Variants in HSPG2 observed in about 807,000 individuals in gnomAD.
The protein encoded by HSPG2 is heparan sulfate proteoglycan 2, also known as basement membrane-specific heparan sulfate proteoglycan core protein.
Under a neutral mutation model 526.6 loss-of-function variants are expected in HSPG2, and 278 were observed. The observed-to-expected ratio is 0.53, with a 90% confidence interval of 0.48 to 0.58. The LOEUF (loss-of-function observed/expected upper bound fraction) is 0.58. HSPG2 is among the 20% of genes least tolerant of loss of function. HSPG2 has a pLI of 0.00. For missense variants in HSPG2, 5,354 were observed against 6,099.5 expected, an observed-to-expected ratio of 0.88 and a Z score of 4.07; for synonymous variants, 2,465 against 2,555.4, an observed-to-expected ratio of 0.96 and a Z score of 1.07.
intron 69 of HSPG2, 89 bp downstream of exon 69, chr1:21,841,913 C>T: frequency 2.6e-6 from 4 of 1,557,216 alleles, no homozygotes; most frequent in Non-Finnish European, 3.5e-6. Flanking sequence ...GTGGGGCGTC[C>T]AGACTTCTGC....
intron 33 of HSPG2, chr1:21,869,502 AGAGGAG>A: frequency 8.1e-6 from 8 of 985,732 alleles, no homozygotes; most frequent in Non-Finnish European, 9.7e-6. Context: ...AAGCTGAGGA[AGAGGAG>A]GAGGAGGAGG....
In HSPG2 at chr1:21,824,269, AG is replaced by A; in HGVS notation, c.12815+36del. The A allele has an allele frequency of 6.2e-7, 1 of 1,613,240 alleles. No individual in the cohort carries two copies. The highest frequency in any genetic ancestry group is 8.5e-7 in the Non-Finnish European group (1 of 1,179,404). On this transcript the variant is annotated intron_variant, in intron 94 of 96. Coordinates refer to ENST00000374695, the MANE Select transcript of HSPG2 (RefSeq NM_005529.7). This position sits in a 1 kb window ranked among gnomAD's most constrained non-coding sequence, Gnocchi z 5.9. ...GACCGGGGGGTGGGGTGCTGGGACC[AG>A]GGAAGGGAGAGGAAGGGCCAGGTGC...
Position 21,880,534 on chromosome 1 carries a change from C to A in HSPG2, c.2024G>T (p.Arg675Leu), listed in dbSNP as rs143119915. ...SEEHWVHESG[R>L]PVQRAELLQV... Reference sequence around the variant, plus strand: ...CAGCAGCTCCGCGCGCTGCACCGGCCGGCCAGACTCATGGACCCAGTGCTC... The same window carrying A: ...CAGCAGCTCCGCGCGCTGCACCGGCAGGCCAGACTCATGGACCCAGTGCTC... Residue 675 changes from arginine to leucine, a missense_variant, in exon 16 of 97, where the codon CGG becomes CTG. By Grantham distance (102) the Arg-to-Leu change is moderately radical. Coordinates refer to ENST00000374695, the MANE Select transcript of HSPG2 (RefSeq NM_005529.7). The A allele has an allele frequency of 1.2e-6, 2 of 1,613,602 alleles. No individual in the cohort carries two copies. The highest frequency in any genetic ancestry group is 1.7e-5 in the Admixed American group (1 of 59,998).
At chr1:21,878,685 G>C (rs746889091) in intron 18 of HSPG2, 22 bp from the exon 19 acceptor site, 1 of 1,604,552 alleles carries the variant, frequency 6.2e-7, no homozygotes, top group South Asian at 1.1e-5. Flanking sequence ...AAGTGGACAG[G>C]GCATGGGGCA....
chr1:21,868,348 A>G (rs1640399014), intron 33 of HSPG2, among the ~76,000 whole-genome samples: 1 of 152,116 alleles, frequency 6.6e-6, no homozygotes, highest in Non-Finnish European at 1.5e-5. Context: ...TGCTATGTGT[A>G]TTCTTAAGAG....
chr1:21,886,082 A>G (rs950575810), intron 9 of HSPG2, among the ~76,000 whole-genome samples: 5 of 152,268 alleles, frequency 3.3e-5, no homozygotes, highest in African/African-American at 1.2e-4. Flanking sequence ...GCGCATCCAC[A>G]GAGCAGGTGC....
intron 29 of HSPG2, among the ~76,000 whole-genome samples, chr1:21,873,710 G>A (rs1039912560): frequency 1.5e-4 from 23 of 152,182 alleles, no homozygotes; most frequent in Non-Finnish European, 2.4e-4. Flanking sequence ...GGCTGAAGGT[G>A]AACCGCAGGC....
At chr1:21,834,013 C>T in intron 77 of HSPG2, 88 bp from the exon 78 acceptor site, 1 of 882,660 alleles carries the variant, frequency 1.1e-6, no homozygotes, top group Non-Finnish European at 1.9e-6. Context: ...CATCTTCACA[C>T]CACCCCTTGA....
At position 21,885,541 on chromosome 1, in the gene HSPG2, A is replaced by G; in HGVS notation, c.1079-90T>C. 2.7e-6 allele frequency: 4 copies of G among 1,496,654 alleles called. No individual in the cohort carries two copies. In the South Asian group the frequency reaches 4.6e-5, roughly 17 times the overall value. The allele number at this position is 1,496,654 out of a possible 1,614,324, so 92.7% of individuals were successfully genotyped here. On this transcript the variant is annotated intron_variant, in intron 9 of 96. Coordinates refer to ENST00000374695, the MANE Select transcript of HSPG2 (RefSeq NM_005529.7). ...GCCACTCTCTCATCTTGCCCACATAACCCACAGCGGCCCTCGCCATGCCTA... is the reference window on the plus strand; with the variant it reads ...GCCACTCTCTCATCTTGCCCACATAGCCCACAGCGGCCCTCGCCATGCCTA...
At chr1:21,892,626 G>A (rs1177195605) in intron 3 of HSPG2, among the ~76,000 whole-genome samples, 1 of 152,224 alleles carries the variant, frequency 6.6e-6, no homozygotes, top group Non-Finnish European at 1.5e-5. Flanking sequence ...TGTAATCCCA[G>A]CACTTTGGGA....
intron 1 of HSPG2, 32 bp from the exon 2 acceptor site, chr1:21,896,342 C>T (rs1396288976): frequency 1.9e-6 from 3 of 1,608,420 alleles, no homozygotes; most frequent in Non-Finnish European, 2.5e-6. Flanking sequence ...TTGAGTCACT[C>T]TCTCCAGCTC....
Position 21,916,999 on chromosome 1 carries a change from G to C in HSPG2, c.63+20156C>G, listed in dbSNP as rs557958177. On this transcript the variant is annotated intron_variant, in intron 1 of 96. Coordinates refer to ENST00000374695, the MANE Select transcript of HSPG2 (RefSeq NM_005529.7). ...GGCTAACGGAAATCGAACATGTGTG[G>C]TGATAAGGCTGCCTCGTTAATCAAG... 3.9e-5 allele frequency among the ~76,000 whole-genome samples: 6 copies of C among 152,338 alleles called. No individual in the cohort carries two copies. In the South Asian group the frequency reaches 1.2e-3, roughly 32 times the overall value.
chr1:21,875,003 C>T lies in HSPG2; in HGVS notation c.3303-1G>A. The T allele has an allele frequency of 6.3e-7, 1 of 1,590,810 alleles. No homozygotes were observed. Among genetic ancestry groups the T allele is most frequent in the Non-Finnish European group, 8.6e-7 (1 of 1,167,592 alleles). On this transcript the variant is annotated splice_acceptor_variant, in intron 25 of 96. Coordinates refer to ENST00000374695, the MANE Select transcript of HSPG2 (RefSeq NM_005529.7). LOFTEE classifies it high-confidence loss of function. The stretch of plus-strand genomic sequence containing the variant: ...CACGTCCATGCTGATGCCAGAGACC[C>T]TGGGCGTGACAAGACCCAGCGTGAA...
intron 1 of HSPG2, among the ~76,000 whole-genome samples, chr1:21,907,657 A>G (rs1406406371): frequency 6.6e-6 from 1 of 152,138 alleles, no homozygotes; most frequent in African/African-American, 2.4e-5. Context: ...AGCTGGGAGT[A>G]TAGGTGTACA....
chr1:21,928,480 G>A (rs373059315), intron 1 of HSPG2, among the ~76,000 whole-genome samples: 8 of 152,214 alleles, frequency 5.3e-5, no homozygotes, highest in African/African-American at 1.7e-4. Flanking sequence ...TCGCAATGAC[G>A]CCCAGGCTTG....
At position 21,858,320 on chromosome 1, in the gene HSPG2, C is replaced by A. The variant is rs1639505947; in HGVS notation, c.5294-935G>T. On this transcript the variant is annotated intron_variant, in intron 42 of 96. Coordinates refer to ENST00000374695, the MANE Select transcript of HSPG2 (RefSeq NM_005529.7). The surrounding 1 kb of genome is among the most constrained non-coding windows in gnomAD (Gnocchi z 4.2). The stretch of plus-strand genomic sequence containing the variant: ...CCATGATGCCCCCTGTCTCTTCCTG[C>A]CTCATGGCTGCACTCTCTCAGGCTC... Among the ~76,000 whole-genome samples, 1 of 152,234 alleles carries A rather than the reference C, an allele frequency of 6.6e-6. No homozygotes were observed. Among genetic ancestry groups the A allele is most frequent in the Non-Finnish European group, 1.5e-5 (1 of 68,048 alleles).
rs755652400 is a variant in HSPG2, at chr1:21,873,050, G to T, written c.3835C>A (p.Pro1279Thr). ...CACTGGCTGCTGACGCTGCCTTGGGGGTCACAGTTGCAGCCTATGGGCCCT... is the reference window on the plus strand; with the variant it reads ...CACTGGCTGCTGACGCTGCCTTGGGTGTCACAGTTGCAGCCTATGGGCCCT... ...VPGPIGCNCDPQGSVSSQCDA... is the reference protein window; with the variant it reads ...VPGPIGCNCDTQGSVSSQCDA... Residue 1279 changes from proline (P) to threonine (T), a missense_variant, in exon 31 of 97, where the codon CCC becomes ACC. Pro to Thr is a conservative substitution (Grantham distance 38). Transcript: ENST00000374695. 1 of 1,604,586 alleles carries T rather than the reference G, an allele frequency of 6.2e-7. No homozygotes were observed. The highest frequency in any genetic ancestry group is 1.7e-5 in the Admixed American group (1 of 60,026).
intron 76 of HSPG2, 139 bp downstream of exon 76, chr1:21,835,397 ACAAG>A (rs1400622002): frequency 1.4e-6 from 1 of 704,276 alleles, no homozygotes; most frequent in Admixed American, 2.0e-5. Context: ...TATGCTAGAC[ACAAG>A]CAAGGCAAAA....
At chr1:21,829,271 G>C in intron 87 of HSPG2, 112 bp downstream of exon 87, 2 of 1,381,046 alleles carry the variant, frequency 1.4e-6, no homozygotes, top group Non-Finnish European at 2.0e-6. Context: ...CAGGAAGAGG[G>C]GACTTGCCCT....
Sources: gnomAD v4.1 joint callset for allele counts (sites outside exome capture counted in the v4.1 genomes callset) on GRCh38, gnomAD v4.1.1 for gene constraint, Gnocchi (gnomAD v3.1) non-coding constraint, MANE v1.5 for transcripts, NCBI Gene and HGNC (gene_info 2026-07-23, HGNC 2026-07-21) for gene names.